The following MYO1H variants were observed in gnomAD, a reference collection of about 807,000 sequenced individuals.
MYO1H encodes myosin IH.
A neutral mutation model predicts 149.3 loss-of-function variants in MYO1H; 118 were observed. The ratio of observed to expected loss-of-function variants is 0.79; its 90% CI spans 0.68 to 0.92. The LOEUF is 0.92. MYO1H is among the 40% of genes least tolerant of loss of function. The pLI is 0.00. For synonymous variants in MYO1H, 447 were observed against 465.2 expected (o/e 0.96, Z 0.50); for missense variants, 1,212 against 1,280.7 (o/e 0.95, Z 0.82).
chr12:109,381,356 T>G (rs1869201992), intron 1 of MYO1H, among the ~76,000 whole-genome samples: 1 of 152,096 alleles, frequency 6.6e-6, no homozygotes, highest in Admixed American at 6.6e-5. Context: ...AAGATTACAG[T>G]GAGCTATGAC....
At chr12:109,446,746 A>T (rs1162457380) in intron 31 of MYO1H, among the ~76,000 whole-genome samples, 1 of 152,270 alleles carries the variant, frequency 6.6e-6, no homozygotes, top group Admixed American at 6.5e-5. Flanking sequence ...CCTGGGCGAT[A>T]GAGTGAGACT....
intron 2 of MYO1H, among the ~76,000 whole-genome samples, chr12:109,391,852 T>C (rs76977286): frequency 0.15 from 23,118 of 152,188 alleles, 2,210 homozygotes; most frequent in African/African-American, 0.26. Flanking sequence ...GTTGGCTGCA[T>C]GTATGTCTTC....
chr12:109,396,344 C>T (rs748924945), intron 3 of MYO1H, 40 bp from the exon 4 acceptor site: 9 of 1,537,500 alleles, frequency 5.9e-6, no homozygotes, highest in Non-Finnish European at 7.9e-6. Flanking sequence ...AAGGGAAGTA[C>T]CATTAAAACG....
chr12:109,408,139 G>A (rs1870483224), intron 10 of MYO1H, among the ~76,000 whole-genome samples: 1 of 152,104 alleles, frequency 6.6e-6, no homozygotes, highest in African/African-American at 2.4e-5. Flanking sequence ...CTTGTGGTAT[G>A]CCAGATAGCT....
chr12:109,327,384 C>T, the MYO1H span, among the ~76,000 whole-genome samples: 5 of 151,634 alleles, frequency 3.3e-5, no homozygotes, highest in African/African-American at 9.7e-5. Flanking sequence ...CCACCCGCCT[C>T]GGCCACTCAA....
the MYO1H span, among the ~76,000 whole-genome samples, chr12:109,339,572 A>C: frequency 6.6e-6 from 1 of 152,204 alleles, no homozygotes; most frequent in African/African-American, 2.4e-5. Flanking sequence ...GCAAGAAACA[A>C]ACTGAGATGA....
chr12:109,403,921 T>C, intron 6 of MYO1H, 61 bp from the exon 7 acceptor site: 1 of 1,124,796 alleles, frequency 8.9e-7, no homozygotes, highest in South Asian at 1.3e-5. Flanking sequence ...CAGAGAGGAA[T>C]AGACATGCTT....
At chr12:109,322,900 A>G in the MYO1H span, among the ~76,000 whole-genome samples, 1 of 151,204 alleles carries the variant, frequency 6.6e-6, no homozygotes, top group Non-Finnish European at 1.5e-5. Context: ...CGAGGTCAGG[A>G]GATCGAGACC....
At chr12:109,368,860 A>G (rs774049647) in intron 1 of MYO1H, among the ~76,000 whole-genome samples, 6 of 151,670 alleles carry the variant, frequency 4.0e-5, no homozygotes, top group Non-Finnish European at 7.4e-5. Context: ...TGCCATCTTC[A>G]TGTCCATGAG....
At chr12:109,330,522 T>C in the MYO1H span, among the ~76,000 whole-genome samples, 20 of 152,150 alleles carry the variant, frequency 1.3e-4, no homozygotes, top group Non-Finnish European at 2.4e-4. Flanking sequence ...CGTAAGGGCT[T>C]CGTAAGCTTG....
At chr12:109,321,398 C>T in the MYO1H span, among the ~76,000 whole-genome samples, 1 of 151,560 alleles carries the variant, frequency 6.6e-6, no homozygotes, top group South Asian at 2.1e-4. Context: ...ACTAAAAGCA[C>T]AAAAATTAGC....
chr12:109,317,935 C>T, the MYO1H span, among the ~76,000 whole-genome samples: 1 of 152,208 alleles, frequency 6.6e-6, no homozygotes, highest in African/African-American at 2.4e-5. Flanking sequence ...GTCTGGATAA[C>T]ATCTTGTTCA....
the MYO1H span, among the ~76,000 whole-genome samples, chr12:109,321,050 T>C: frequency 1.3e-5 from 2 of 151,942 alleles, no homozygotes; most frequent in Non-Finnish European, 2.9e-5. Flanking sequence ...ATCGTGCCAC[T>C]GCACTCCAGC....
At chr12:109,445,356 A>T in intron 30 of MYO1H, 157 bp from the exon 31 acceptor site, 1 of 608,392 alleles carries the variant, frequency 1.6e-6, no homozygotes. Context: ...TGGCAACAGC[A>T]TTCTTCCTTT....
intron 5 of MYO1H, among the ~76,000 whole-genome samples, chr12:109,399,138 G>A (rs1870043152): frequency 6.6e-6 from 1 of 152,224 alleles, no homozygotes; most frequent in African/African-American, 2.4e-5. Context: ...GCCTCTGGTG[G>A]AGTGGATTTG....
rs1426584483 is a variant in MYO1H, at chr12:109,417,865, G to C, written c.1597+2245G>C. ...GAGTCTCGCTCTGTCGCCCAGACTG[G>C]AGTCCGGTGGCGCGATCTCGGCTCA... is the stretch of plus-strand genomic sequence containing the variant. On this transcript the variant is annotated intron_variant, in intron 15 of 31. Coordinates refer to ENST00000310903, the Ensembl canonical transcript of MYO1H. Among the ~76,000 whole-genome samples the C allele has an allele frequency of 2.0e-5, 3 of 151,870 alleles. 1 individual carries two copies. The highest frequency in any genetic ancestry group is 4.4e-5 in the Non-Finnish European group (3 of 67,996).
Position 109,353,393 on chromosome 12 carries a change from C to CAAA in MYO1H, c.12+5445_12+5447dup, listed in dbSNP as rs55927192. 4.6e-3 allele frequency among the ~76,000 whole-genome samples: 365 copies of CAAA among 79,248 alleles called. 15 individuals are homozygous for CAAA. Among genetic ancestry groups the CAAA allele is most frequent in the African/African-American group, 0.013 (281 of 21,346 alleles). The allele number at this position is 79,248 out of a possible 152,430, so 52.0% of individuals were successfully genotyped here. A position where few individuals can be genotyped will look rare whatever the true frequency, so the allele number is the denominator to read the frequency against. ...TGGGTGACAGAGCGAGACTCCGTCT[C>CAAA]AAAAAAAAAAAAAAAAAAAAAAAAA... On this transcript the variant is annotated intron_variant, in intron 1 of 31. Transcript: ENST00000310903.
At chr12:109,389,423 A>G (rs1202892359) in intron 2 of MYO1H, among the ~76,000 whole-genome samples, 1 of 152,058 alleles carries the variant, frequency 6.6e-6, no homozygotes. Flanking sequence ...TGAGGGGTGG[A>G]GTTGGAGCCC....
intron 19 of MYO1H, among the ~76,000 whole-genome samples, chr12:109,430,729 C>A (rs1298262451): frequency 2.0e-5 from 3 of 152,062 alleles, no homozygotes; most frequent in African/African-American, 7.2e-5. Context: ...AGCTTGAAAC[C>A]AGCCTGGCCA....
Sources: allele counts gnomAD v4.1 joint callset (sites outside exome capture counted in the v4.1 genomes callset), GRCh38; gene constraint gnomAD v4.1.1; transcripts MANE v1.5; gene names NCBI Gene and HGNC (gene_info 2026-07-23, HGNC 2026-07-21).